Variants in COL22A1 observed in about 807,000 individuals in gnomAD.
COL22A1 encodes the protein collagen type XXII alpha 1 chain.
In COL22A1, 221 loss-of-function variants were observed where a neutral mutation model predicts 248.9. That is an observed-to-expected ratio of 0.89 (90% CI 0.80 to 0.99). COL22A1 has a LOEUF of 0.99. Among genes scored for constraint, COL22A1 ranks in the 50% least tolerant of loss-of-function variants. The pLI is 0.00. For missense variants in COL22A1, 2,240 were observed against 2,179.0 expected (o/e 1.03, Z -0.56); for synonymous variants, 891 against 793.4 (o/e 1.12, Z -2.07).
intron 53 of COL22A1, among the ~76,000 whole-genome samples, chr8:138,618,745 T>C (rs963707542): frequency 6.6e-6 from 1 of 152,326 alleles, no homozygotes; most frequent in South Asian, 2.1e-4. Context: ...TTTAAAATCA[T>C]ATTTTTTTCT....
At chr8:138,906,584 T>C (rs1815039278) in intron 1 of COL22A1, among the ~76,000 whole-genome samples, 1 of 94 alleles carries the variant, frequency 0.011, no homozygotes, top group Non-Finnish European at 0.036. Context: ...CTCTTTCTTG[T>C]ATTTTTAATT....
At chr8:138,912,701 C>T (rs1256567593) in intron 1 of COL22A1, among the ~76,000 whole-genome samples, 2 of 152,194 alleles carry the variant, frequency 1.3e-5, no homozygotes, top group East Asian at 1.9e-4. Context: ...CGAGGCTGCA[C>T]CTCGCACCAT....
At chr8:138,711,909 C>T (rs150301637) in intron 30 of COL22A1, among the ~76,000 whole-genome samples, 30 of 152,332 alleles carry the variant, frequency 2.0e-4, no homozygotes, top group African/African-American at 6.7e-4. Flanking sequence ...TCTATGTGCA[C>T]TGGCAGGGTT....
intron 10 of COL22A1, among the ~76,000 whole-genome samples, chr8:138,805,919 T>C (rs1817562882): frequency 6.9e-6 from 1 of 145,846 alleles, no homozygotes; most frequent in Non-Finnish European, 1.5e-5. Flanking sequence ...ATGGTGTAGG[T>C]GACGGTGTGT....
At chr8:138,623,269 TGTGTG>T (rs745817128) in intron 52 of COL22A1, among the ~76,000 whole-genome samples, 32 of 74,962 alleles carry the variant, frequency 4.3e-4, no homozygotes, top group South Asian at 1.6e-3. Context: ...TTTATGTGTG[TGTGTG>T]TGTGTGTGTG....
intron 47 of COL22A1, among the ~76,000 whole-genome samples, chr8:138,638,914 A>T (rs1040883968): frequency 1.3e-5 from 2 of 152,130 alleles, no homozygotes; most frequent in Admixed American, 1.3e-4. Context: ...AAGGATCTCC[A>T]CAGTTGTCCC....
chr8:138,803,389 T>C (rs777730632), intron 10 of COL22A1, among the ~76,000 whole-genome samples: 3 of 152,114 alleles, frequency 2.0e-5, no homozygotes, highest in Non-Finnish European at 4.4e-5. Context: ...AACTTCCAAG[T>C]GTCCCATCCA....
chr8:138,633,290 T>C (rs920008974), intron 49 of COL22A1, among the ~76,000 whole-genome samples: 1 of 152,248 alleles, frequency 6.6e-6, no homozygotes, highest in Non-Finnish European at 1.5e-5. Flanking sequence ...GCCAAGTGAA[T>C]TGAAAGCATT....
chr8:138,809,612 C>G (rs1278957951), intron 9 of COL22A1, among the ~76,000 whole-genome samples: 1 of 149,522 alleles, frequency 6.7e-6, no homozygotes, highest in Non-Finnish European at 1.5e-5. Context: ...CCTCCGCCTC[C>G]CGGGTTCAAG....
intron 1 of COL22A1, among the ~76,000 whole-genome samples, chr8:138,911,198 C>A (rs4236882): frequency 0.3 from 44,963 of 152,084 alleles, 7,052 homozygotes; most frequent in African/African-American, 0.41. Flanking sequence ...CTGAACTGGA[C>A]TCCAACATCC....
intron 12 of COL22A1, among the ~76,000 whole-genome samples, chr8:138,793,041 G>A (rs1310305365): frequency 6.6e-6 from 1 of 152,198 alleles, no homozygotes; most frequent in East Asian, 1.9e-4. Context: ...TTAGCAGGAT[G>A]CCTGGTACAT....
At chr8:138,876,091 C>G (rs1368408416) in intron 3 of COL22A1, among the ~76,000 whole-genome samples, 1 of 152,212 alleles carries the variant, frequency 6.6e-6, no homozygotes, top group Non-Finnish European at 1.5e-5. Context: ...TCCAGCATGT[C>G]CTCACCTTAG....
At chr8:138,865,501 G>A (rs1268673900) in intron 3 of COL22A1, among the ~76,000 whole-genome samples, 3 of 151,038 alleles carry the variant, frequency 2.0e-5, no homozygotes, top group African/African-American at 4.9e-5. Flanking sequence ...GTATGTGTGT[G>A]TATGTTTGTA....
intron 17 of COL22A1, among the ~76,000 whole-genome samples, chr8:138,761,642 G>A (rs1274639810): frequency 2.0e-5 from 3 of 151,858 alleles, no homozygotes; most frequent in Admixed American, 2.0e-4. Flanking sequence ...TGATGTATAT[G>A]TTAAATTATG....
chr8:138,899,618 G>A (rs540979877), intron 1 of COL22A1, among the ~76,000 whole-genome samples: 1 of 152,134 alleles, frequency 6.6e-6, no homozygotes, highest in East Asian at 1.9e-4. Flanking sequence ...CCACCCCTTG[G>A]GTTCAAGTGA....
chr8:138,868,776 G>T (rs1409111824), intron 3 of COL22A1, among the ~76,000 whole-genome samples: 2 of 151,748 alleles, frequency 1.3e-5, no homozygotes, highest in African/African-American at 4.8e-5. Context: ...TGTCACCCAG[G>T]CTGGAGTATA....
At chr8:138,681,577 G>A (rs1218227254) in intron 39 of COL22A1, among the ~76,000 whole-genome samples, 3 of 152,088 alleles carry the variant, frequency 2.0e-5, no homozygotes, top group African/African-American at 7.2e-5. Flanking sequence ...GAGGGTCCCT[G>A]AGGTCCTTCT....
intron 3 of COL22A1, among the ~76,000 whole-genome samples, chr8:138,862,009 T>C (rs1247714851): frequency 9.6e-6 from 1 of 104,480 alleles, no homozygotes; most frequent in African/African-American, 3.6e-5. Flanking sequence ...GCCAACATGG[T>C]GAAACCCTGT....
Position 138,663,690 on chromosome 8 carries a change from T to A in COL22A1, c.3186+15A>T. 4 of 1,596,568 alleles carry A rather than the reference T, an allele frequency of 2.5e-6. No individual in the cohort carries two copies. The highest frequency in any genetic ancestry group is 3.4e-6 in the Non-Finnish European group (4 of 1,164,080). On this transcript the variant is annotated intron_variant, in intron 42 of 64. Transcript: ENST00000303045. ...TCCCATAGAAACTCATCCCTTTATT[T>A]AAAGCATACTGTACCGGGGATCCTT...
Sources: gnomAD v4.1 joint callset for allele counts (sites outside exome capture counted in the v4.1 genomes callset) on GRCh38, gnomAD v4.1.1 for gene constraint, MANE v1.5 for transcripts, NCBI Gene and HGNC (gene_info 2026-07-23, HGNC 2026-07-21) for gene names.